Variants in SNW1 observed in about 807,000 individuals in gnomAD.
SNW1 encodes the protein SNW domain-containing protein 1.
A neutral mutation model predicts 75.6 loss-of-function variants in SNW1; 9 were observed. The observed-to-expected ratio is 0.12, with a 90% CI of 0.07 to 0.21. The LOEUF (loss-of-function observed/expected upper bound fraction) is 0.21, where lower values mean the gene tolerates loss of function less well. SNW1 is among the 10% of genes least tolerant of loss of function. The probability of loss-of-function intolerance (pLI) is 1.00; values close to 1 mark genes in which losing one functional copy is unlikely to be tolerated. For missense variants in SNW1, 409 were observed against 670.9 expected (o/e 0.61, Z 4.31); for synonymous variants, 200 against 219.1 (o/e 0.91, Z 0.77).
intron 10 of SNW1, 21 bp downstream of exon 10, chr14:77,730,967 T>C (rs761132528): frequency 6.2e-7 from 1 of 1,604,308 alleles, no homozygotes; most frequent in Non-Finnish European, 8.5e-7. Context: ...AAAATTCAAT[T>C]CAGTAATGAG....
chr14:77,728,109 A>G (rs1439094370), intron 10 of SNW1, among the ~76,000 whole-genome samples: 1 of 151,958 alleles, frequency 6.6e-6, no homozygotes, highest in Non-Finnish European at 1.5e-5. Context: ...GGTGTTCATC[A>G]TATAATTCTT....
chr14:77,722,261 C>T (rs2080547157), intron 11 of SNW1, among the ~76,000 whole-genome samples: 1 of 152,144 alleles, frequency 6.6e-6, no homozygotes, highest in Non-Finnish European at 1.5e-5. Flanking sequence ...TCCTACTTTA[C>T]TCTATGCCCT....
intron 2 of SNW1, among the ~76,000 whole-genome samples, chr14:77,752,039 C>T (rs2080813374): frequency 6.6e-6 from 1 of 152,110 alleles, no homozygotes; most frequent in Non-Finnish European, 1.5e-5. Context: ...TTACATGCTA[C>T]AGCAAGAAAA....
chr14:77,739,458 A>C (rs2080699349), intron 3 of SNW1, among the ~76,000 whole-genome samples: 1 of 152,146 alleles, frequency 6.6e-6, no homozygotes, highest in Non-Finnish European at 1.5e-5. Context: ...GTTACCAAAT[A>C]ATTTCCAAAT....
At chr14:77,744,446 C>CAAAAAAAAAAAAAAAAAAAAAAAGGAAA (rs11335115) in intron 3 of SNW1, among the ~76,000 whole-genome samples, 1 of 82,964 alleles carries the variant, frequency 1.2e-5, no homozygotes, top group Non-Finnish European at 2.2e-5. Context: ...GTCTCCATCT[C>CAAAAAAAAAAAAAAAAAAAAAAAGGAAA]AAAAAAAAAA....
At position 77,717,823 on chromosome 14, in the gene SNW1, G is replaced by A. The variant is rs2080500977; in HGVS notation, c.*265C>T. The A allele has an allele frequency of 1.7e-6, 1 of 571,908 alleles. No individual in the cohort carries two copies. Among genetic ancestry groups the A allele is most frequent in the African/African-American group, 1.9e-5 (1 of 53,516 alleles). The allele number at this position is 571,908 out of a possible 1,614,324, so 35.4% of individuals were successfully genotyped here. On this transcript the variant is annotated 3_prime_UTR_variant, in exon 14 of 14. Coordinates refer to ENST00000261531, the MANE Select transcript of SNW1 (RefSeq NM_012245.3). ...AACTACTAGTGTCACATAAAAGTAA[G>A]TGGTCTTGACTTTGTATGTGGGGCA...
chr14:77,760,807 A>T (rs769605398), intron 1 of SNW1: 1 of 713,360 alleles, frequency 1.4e-6, no homozygotes. Context: ...CGAGCCGCGG[A>T]CCTGAGGGAG....
Position 77,736,669 on chromosome 14 carries a change from C to T in SNW1, c.638+302G>A, listed in dbSNP as rs1286654497. 2.6e-5 allele frequency among the ~76,000 whole-genome samples: 4 copies of T among 152,262 alleles called. No individual in the cohort carries two copies. The East Asian group carries it at 5.8e-4, about 22-fold the overall frequency. On this transcript the variant is annotated intron_variant, in intron 6 of 13. Transcript: ENST00000261531. Reference sequence around the variant, plus strand: ...TTGATTAAATTTTGACACAAATATGCACCTGTGAAATCATCATCACAAGCA... The same window carrying T: ...TTGATTAAATTTTGACACAAATATGTACCTGTGAAATCATCATCACAAGCA...
At chr14:77,761,024 AG>A (rs1396255574) in intron 1 of SNW1, 89 bp downstream of exon 1, 1 of 1,614,166 alleles carries the variant, frequency 6.2e-7, no homozygotes, top group African/African-American at 1.3e-5. Flanking sequence ...GCCCCGGGTC[AG>A]GTCACCGCCC....
At chr14:77,751,228 A>G (rs958706639) in intron 3 of SNW1, 91 bp downstream of exon 3, 1 of 1,333,578 alleles carries the variant, frequency 7.5e-7, no homozygotes, top group South Asian at 1.4e-5. Context: ...TACTTTTAAC[A>G]TAATTCAAAC....
At position 77,755,209 on chromosome 14, in the gene SNW1, C is replaced by T. The variant is rs180840593; in HGVS notation, c.15-89G>A. 4,553 of 1,167,076 alleles carry T rather than the reference C, an allele frequency of 3.9e-3. 13 individuals are homozygous for T. Among genetic ancestry groups the T allele is most frequent in the Non-Finnish European group, 4.6e-3 (3,842 of 827,282 alleles). 72.3% of individuals were successfully genotyped at this position (1,167,076 alleles called of 1,614,324 possible). ...AACTTGGCCACAGAGACAATTTTTCCTACGATGCTTTTACTTTTCAGAAAA... is the reference window on the plus strand; with the variant it reads ...AACTTGGCCACAGAGACAATTTTTCTTACGATGCTTTTACTTTTCAGAAAA... On this transcript the variant is annotated intron_variant, in intron 1 of 13. Coordinates refer to ENST00000261531, the MANE Select transcript of SNW1 (RefSeq NM_012245.3).
chr14:77,752,752 A>G (rs922382247), intron 2 of SNW1, among the ~76,000 whole-genome samples: 2 of 152,080 alleles, frequency 1.3e-5, no homozygotes, highest in Admixed American at 6.6e-5. Context: ...GGTTTGATGG[A>G]AAAAAAAGAA....
At chr14:77,729,469 T>C (rs78609506) in intron 10 of SNW1, among the ~76,000 whole-genome samples, 5,611 of 152,330 alleles carry the variant, frequency 0.037, 151 homozygotes, top group Non-Finnish European at 0.054. Context: ...TGGAAGGCAT[T>C]AGCCCATGCC....
At chr14:77,727,660 C>G (rs540428332) in intron 10 of SNW1, among the ~76,000 whole-genome samples, 4 of 152,042 alleles carry the variant, frequency 2.6e-5, no homozygotes, top group African/African-American at 9.7e-5. Flanking sequence ...GGTTCTTATT[C>G]TTGGTTCTAT....
At chr14:77,757,405 C>G (rs2080849255) in intron 1 of SNW1, among the ~76,000 whole-genome samples, 1 of 152,166 alleles carries the variant, frequency 6.6e-6, no homozygotes, top group South Asian at 2.1e-4. Flanking sequence ...AGCTACTTAC[C>G]TCTCTGAATC....
intron 11 of SNW1, chr14:77,722,937 C>T (rs1242389716): frequency 6.3e-6 from 3 of 479,214 alleles, no homozygotes; most frequent in South Asian, 4.0e-5. Flanking sequence ...CTCCACCTCC[C>T]GGGTTCACGC....
Position 77,732,462 on chromosome 14 carries a change from TAAAC to T in SNW1, c.891+19_891+22del, listed in dbSNP as rs776475730. 8.0e-7 allele frequency: 1 copy of T among 1,251,454 alleles called. No individual in the cohort carries two copies. The highest frequency in any genetic ancestry group is 1.7e-5 in the Admixed American group (1 of 58,568). 77.5% of individuals were successfully genotyped at this position (1,251,454 alleles called of 1,614,324 possible). The stretch of plus-strand genomic sequence containing the variant: ...TGGATTTTAAAAGTAACAAGAGCAT[TAAAC>T]AAATTATAACAAACCAACCTTCCGA... On this transcript the variant is annotated intron_variant, in intron 9 of 13. Coordinates refer to ENST00000261531, the MANE Select transcript of SNW1 (RefSeq NM_012245.3).
intron 8 of SNW1, among the ~76,000 whole-genome samples, chr14:77,733,281 C>T (rs1477512230): frequency 6.6e-6 from 1 of 152,046 alleles, no homozygotes; most frequent in East Asian, 1.9e-4. Flanking sequence ...TAATAATTGT[C>T]GATTTTAATA....
rs768418850 is a variant in SNW1, at chr14:77,761,148, G to A, written c.-21C>T. 7.4e-5 allele frequency: 120 copies of A among 1,614,128 alleles called. No individual in the cohort carries two copies. Among genetic ancestry groups the A allele is most frequent in the Admixed American group, 2.5e-4 (15 of 60,010 alleles). ...GCCATCTTCTTCCGCTTCTTCCAGC[G>A]CGAGCGACAGCACCGCTGGGCGGGT... On this transcript the variant is annotated 5_prime_UTR_variant, in exon 1 of 14. Coordinates refer to ENST00000261531, the MANE Select transcript of SNW1 (RefSeq NM_012245.3).
Sources: gnomAD v4.1 joint callset for allele counts (sites outside exome capture counted in the v4.1 genomes callset) on GRCh38, gnomAD v4.1.1 for gene constraint, MANE v1.5 for transcripts, NCBI Gene and HGNC (gene_info 2026-07-23, HGNC 2026-07-21) for gene names.